Variants in DCBLD2 observed in about 807,000 individuals in gnomAD.
DCBLD2 encodes discoidin, CUB and LCCL domain-containing protein 2.
Under a neutral mutation model 86.8 loss-of-function variants are expected in DCBLD2, and 54 were observed. The ratio of observed to expected loss-of-function variants is 0.62; its 90% confidence interval spans 0.50 to 0.78. DCBLD2 has a LOEUF of 0.78. Ranked by LOEUF, DCBLD2 falls within the 30% of genes least tolerant of loss-of-function variation. The pLI, the probability that DCBLD2 is intolerant of heterozygous loss-of-function variation, is 0.00. For synonymous variants in DCBLD2, 354 were observed against 341.3 expected, an observed-to-expected ratio of 1.04 and a Z score of -0.41; for missense variants, 908 against 954.2, an observed-to-expected ratio of 0.95 and a Z score of 0.64.
chr3:98,857,611 C>A (rs1421474825), intron 2 of DCBLD2, among the ~76,000 whole-genome samples: 1 of 152,254 alleles, frequency 6.6e-6, no homozygotes, highest in South Asian at 2.1e-4. Flanking sequence ...ATTCACAAAC[C>A]CTGAGCTAGA....
At chr3:98,808,693 C>T (rs951397253) in intron 12 of DCBLD2, among the ~76,000 whole-genome samples, 2 of 152,036 alleles carry the variant, frequency 1.3e-5, no homozygotes, top group Non-Finnish European at 2.9e-5. Context: ...ATCAAAGTGG[C>T]AAATATTTAA....
chr3:98,848,149 G>A (rs890451084), intron 3 of DCBLD2, among the ~76,000 whole-genome samples: 16 of 152,058 alleles, frequency 1.1e-4, no homozygotes, highest in African/African-American at 3.4e-4. Context: ...AAGCCCCAGT[G>A]TGTGTTGTTC....
chr3:98,868,461 T>C (rs527452087), intron 2 of DCBLD2, among the ~76,000 whole-genome samples: 9 of 152,248 alleles, frequency 5.9e-5, no homozygotes, highest in Non-Finnish European at 1.2e-4. Flanking sequence ...TTTATTTATA[T>C]ATTTTTTTAA....
At chr3:98,861,799 C>T (rs1943049256) in intron 2 of DCBLD2, among the ~76,000 whole-genome samples, 1 of 152,084 alleles carries the variant, frequency 6.6e-6, no homozygotes, top group Non-Finnish European at 1.5e-5. Context: ...GACACCCTAA[C>T]ATCACAATTA....
At chr3:98,811,433 G>T in intron 11 of DCBLD2, 35 bp downstream of exon 11, 1 of 1,612,838 alleles carries the variant, frequency 6.2e-7, no homozygotes, top group Non-Finnish European at 8.5e-7. Context: ...ATAAATCCAA[G>T]GAATATCAAA....
chr3:98,859,125 A>T (rs1304755144), intron 2 of DCBLD2, among the ~76,000 whole-genome samples: 1 of 152,174 alleles, frequency 6.6e-6, no homozygotes, highest in African/African-American at 2.4e-5. Context: ...AGGCTCACTC[A>T]TTGCTAGCAC....
At chr3:98,842,401 G>C (rs1942638003) in intron 3 of DCBLD2, among the ~76,000 whole-genome samples, 1 of 152,112 alleles carries the variant, frequency 6.6e-6, no homozygotes, top group Non-Finnish European at 1.5e-5. Flanking sequence ...TAGGAATCTG[G>C]CATTGATTTT....
chr3:98,866,207 TC>T (rs1479070338), intron 2 of DCBLD2, among the ~76,000 whole-genome samples: 3 of 152,188 alleles, frequency 2.0e-5, no homozygotes, highest in Non-Finnish European at 4.4e-5. Context: ...TGATTTATAA[TC>T]CTTTGGGTAT....
chr3:98,858,837 T>C (rs917467108), intron 2 of DCBLD2, among the ~76,000 whole-genome samples: 6 of 152,182 alleles, frequency 3.9e-5, no homozygotes, highest in Admixed American at 1.3e-4. Context: ...CGTTCCAAGA[T>C]GGCCGAATAG....
chr3:98,870,779 AAGAAAGAAAGAAAG>A, intron 2 of DCBLD2, among the ~76,000 whole-genome samples: 2 of 150,710 alleles, frequency 1.3e-5, no homozygotes, highest in Non-Finnish European at 3.0e-5. Context: ...GAAAGAAAGA[AAGAAAGAAAGAAAG>A]AAAGAAAGAA....
At chr3:98,879,548 G>A (rs74357028) in intron 2 of DCBLD2, among the ~76,000 whole-genome samples, 2,066 of 151,992 alleles carry the variant, frequency 0.014, 108 homozygotes, top group East Asian at 0.12. Flanking sequence ...CACCACGCCC[G>A]GCTCATTTTT....
chr3:98,827,586 C>T (rs563374972), intron 3 of DCBLD2, among the ~76,000 whole-genome samples: 2 of 152,158 alleles, frequency 1.3e-5, no homozygotes, highest in African/African-American at 4.8e-5. Flanking sequence ...GTTCAAAGAG[C>T]TCTCAAGGAG....
intron 1 of DCBLD2, among the ~76,000 whole-genome samples, chr3:98,887,615 C>G (rs1044885781): frequency 2.6e-5 from 4 of 151,830 alleles, no homozygotes; most frequent in African/African-American, 9.7e-5. Flanking sequence ...TTTCTCCATC[C>G]CTACAGTTTT....
At chr3:98,837,520 A>AC (rs1942492497) in intron 3 of DCBLD2, among the ~76,000 whole-genome samples, 1 of 12,218 alleles carries the variant, frequency 8.2e-5, no homozygotes, top group African/African-American at 2.4e-4. Flanking sequence ...CGGGGGGCCG[A>AC]CCCCCCCACC....
rs9842747 is a variant in DCBLD2 at position 98,797,617 on chromosome 3, T to G, written c.*1755A>C. On this transcript the variant is annotated 3_prime_UTR_variant, in exon 16 of 16. Coordinates refer to ENST00000326840, the MANE Select transcript of DCBLD2 (RefSeq NM_080927.4). The stretch of plus-strand genomic sequence containing the variant: ...TTTGAAACAAAATATGTATTGATTC[T>G]TCAATGAATGAAATCACGCCTCAAA... 1.9e-4 allele frequency: 29 copies of G among 152,240 alleles called. No individual in the cohort carries two copies. Among genetic ancestry groups the G allele is most frequent in the Non-Finnish European group, 2.4e-4 (16 of 68,040 alleles). 9.4% of individuals were successfully genotyped at this position (152,240 alleles called of 1,614,324 possible). A position where few individuals can be genotyped will look rare whatever the true frequency, so the allele number is the denominator to read the frequency against.
At chr3:98,838,180 G>A (rs1942518755) in intron 3 of DCBLD2, among the ~76,000 whole-genome samples, 1 of 124,342 alleles carries the variant, frequency 8.0e-6, no homozygotes. Flanking sequence ...CGGGGTGGCT[G>A]CCGGGCGGAG....
chr3:98,845,028 A>G (rs1480419757), intron 3 of DCBLD2, among the ~76,000 whole-genome samples: 1 of 152,218 alleles, frequency 6.6e-6, no homozygotes, highest in African/African-American at 2.4e-5. Context: ...ATGCTACTTT[A>G]GAGTAGAAAT....
chr3:98,844,057 CA>C (rs1942673309), intron 3 of DCBLD2, among the ~76,000 whole-genome samples: 4 of 151,100 alleles, frequency 2.6e-5, no homozygotes, highest in South Asian at 2.1e-4. Context: ...CACACACACA[CA>C]CACACCCCAA....
chr3:98,821,643 C>CT (rs766607408), intron 6 of DCBLD2, among the ~76,000 whole-genome samples: 12 of 151,886 alleles, frequency 7.9e-5, no homozygotes, highest in Non-Finnish European at 1.5e-4. Flanking sequence ...CTTATGTAGA[C>CT]TTTTTTTTAA....
Sources: gnomAD v4.1 joint callset for allele counts (sites outside exome capture counted in the v4.1 genomes callset) on GRCh38, gnomAD v4.1.1 for gene constraint, MANE v1.5 for transcripts, NCBI Gene and HGNC (gene_info 2026-07-23, HGNC 2026-07-21) for gene names.